LRP4: variants seen among roughly 807,000 people sequenced by gnomAD.
LRP4 encodes LDL receptor related protein 4.
In LRP4, 95 loss-of-function variants were observed where a neutral mutation model predicts 220.3. The ratio of observed to expected loss-of-function variants is 0.43; its 90% CI spans 0.37 to 0.51. The LOEUF is 0.51. Ranked by LOEUF, LRP4 falls within the 20% of genes least tolerant of loss-of-function variation. The pLI, the probability that LRP4 is intolerant of heterozygous loss-of-function variation, is 0.00. For synonymous variants in LRP4, 903 were observed against 954.6 expected (o/e 0.95, Z 1.00); for missense variants, 1,925 against 2,567.0 (o/e 0.75, Z 5.40).
intron 11 of LRP4, 22 bp from the exon 12 acceptor site, chr11:46,894,841 G>T (rs1305691222): frequency 3.7e-6 from 6 of 1,604,382 alleles, no homozygotes; most frequent in African/African-American, 1.3e-5. Flanking sequence ...TATAAACATG[G>T]GATACCCACT....
At chr11:46,887,734 A>G (rs1592534161) in intron 16 of LRP4, among the ~76,000 whole-genome samples, 2 of 152,036 alleles carry the variant, frequency 1.3e-5, no homozygotes, top group African/African-American at 4.8e-5. Context: ...GGGAGCCCAA[A>G]GCAGAAGAAT....
intron 1 of LRP4, among the ~76,000 whole-genome samples, chr11:46,911,116 T>A (rs1941852479): frequency 1.3e-5 from 2 of 152,232 alleles, no homozygotes; most frequent in African/African-American, 4.8e-5. Context: ...ATCTATTTCA[T>A]AGGGTTGCTG....
rs558793215 is a variant in LRP4 at position 46,884,330 on chromosome 11, G to A, written c.2507-354C>T. ...TTAAAATAAAAATATTCAGCCGGGC[G>A]TGGTGGCTCACGCCTGTAATCCCAG... is the stretch of plus-strand genomic sequence containing the variant. On this transcript the variant is annotated intron_variant, in intron 18 of 37. Transcript: ENST00000378623. Among the ~76,000 whole-genome samples the A allele has an allele frequency of 2.0e-4, 31 of 152,302 alleles. No homozygotes were observed. In the South Asian group the frequency reaches 4.1e-3, roughly 20 times the overall value.
Position 46,875,894 on chromosome 11 carries a change from C to T in LRP4, c.3609G>A (p.Ala1203=), listed in dbSNP as rs755263623. ...ATCCTAGGTTGTTGTTGATGAGCAC[C>T]GCGCGGTCTGAGCCATCCATTCCGG... is the stretch of plus-strand genomic sequence containing the variant. ...ERSGMDGSDR[A]VLINNNLGWP... Residue 1203 remains alanine, a synonymous_variant, in exon 26 of 38, where the codon GCG becomes GCA. Coordinates refer to ENST00000378623, the MANE Select transcript of LRP4 (RefSeq NM_002334.4). This position sits in a 1 kb window ranked among gnomAD's most constrained non-coding sequence, Gnocchi z 4.5. 1.8e-5 allele frequency: 29 copies of T among 1,613,950 alleles called. No homozygotes were observed. Among genetic ancestry groups the T allele is most frequent in the Non-Finnish European group, 2.1e-5 (25 of 1,180,020 alleles).
Position 46,873,633 on chromosome 11 carries a change from C to T in LRP4, c.4230-40G>A, listed in dbSNP as rs922304128. ...AGTGTTGGATGAGCAACCAGACTGA[C>T]CCAGAATAGAGTAGAACTTTAACCC... On this transcript the variant is annotated intron_variant, in intron 28 of 37. Transcript: ENST00000378623. The surrounding 1 kb of genome is among the most constrained non-coding windows in gnomAD (Gnocchi z 4.2). 2.6e-6 allele frequency: 4 copies of T among 1,538,342 alleles called. No homozygotes were observed. The highest frequency in any genetic ancestry group is 1.7e-4 in the Middle Eastern group (1 of 5,888).
chr11:46,884,950 T>C (rs1941251731), intron 18 of LRP4, among the ~76,000 whole-genome samples: 1 of 152,038 alleles, frequency 6.6e-6, no homozygotes, highest in Admixed American at 6.6e-5. Flanking sequence ...GTCCATTTCA[T>C]GCTCACTAAC....
At chr11:46,891,411 G>C (rs1003756733) in intron 13 of LRP4, among the ~76,000 whole-genome samples, 2 of 148,100 alleles carry the variant, frequency 1.4e-5, no homozygotes, top group East Asian at 2.0e-4. Context: ...ACCATGCCCG[G>C]CTCCTTTTGT....
In LRP4 at chr11:46,873,896, C is replaced by A; in HGVS notation, c.4230-303G>T. The A allele has an allele frequency of 2.4e-6, 1 of 416,378 alleles. No individual in the cohort carries two copies. The highest frequency in any genetic ancestry group is 4.3e-6 in the Non-Finnish European group (1 of 234,270). 25.8% of individuals were successfully genotyped at this position (416,378 alleles called of 1,614,324 possible). On this transcript the variant is annotated intron_variant, in intron 28 of 37. Coordinates refer to ENST00000378623, the MANE Select transcript of LRP4 (RefSeq NM_002334.4). The surrounding 1 kb of genome is among the most constrained non-coding windows in gnomAD (Gnocchi z 4.2). ...TTCCCCACATACCTTTGGGAAGAGACAAGGATTGCTAGGTGGTGATGATAA... is the reference window on the plus strand; with the variant it reads ...TTCCCCACATACCTTTGGGAAGAGAAAAGGATTGCTAGGTGGTGATGATAA...
At chr11:46,868,263 A>C in intron 33 of LRP4, 149 bp from the exon 34 acceptor site, 1 of 910,076 alleles carries the variant, frequency 1.1e-6, no homozygotes, top group Non-Finnish European at 1.7e-6. Flanking sequence ...AATACTATCA[A>C]TAAAAAGGAG....
chr11:46,862,068 C>CAAAAAAAAAAAAAAAAAA (rs35296081), intron 37 of LRP4, among the ~76,000 whole-genome samples: 1 of 63,702 alleles, frequency 1.6e-5, no homozygotes, highest in African/African-American at 5.6e-5. Context: ...AACTCTGTCT[C>CAAAAAAAAAAAAAAAAAA]AAAAAAAAAA....
chr11:46,875,748 G>C lies in LRP4; in HGVS notation c.3699+56C>G. On this transcript the variant is annotated intron_variant, in intron 26 of 37. Coordinates refer to ENST00000378623, the MANE Select transcript of LRP4 (RefSeq NM_002334.4). The surrounding 1 kb of genome is among the most constrained non-coding windows in gnomAD (Gnocchi z 4.5). ...TGGGAACTCTCCATGGAGATCCTAG[G>C]CAGGCCTTTCCCATCTTCCCAGGCT... 6.2e-7 allele frequency: 1 copy of C among 1,612,966 alleles called. No individual in the cohort carries two copies. Among genetic ancestry groups the C allele is most frequent in the Non-Finnish European group, 8.5e-7 (1 of 1,179,056 alleles).
intron 30 of LRP4, 82 bp from the exon 31 acceptor site, chr11:46,871,715 C>T: frequency 4.4e-6 from 4 of 911,932 alleles, no homozygotes; most frequent in Middle Eastern, 2.2e-4. Flanking sequence ...TGTTTGTCCC[C>T]TCCTGAGCTG....
At chr11:46,905,329 C>CTCT (rs1315532261) in intron 1 of LRP4, among the ~76,000 whole-genome samples, 63 of 152,222 alleles carry the variant, frequency 4.1e-4, no homozygotes, top group African/African-American at 1.5e-3. Context: ...CTGGATTGAA[C>CTCT]AGCAAAGATG....
In LRP4 at chr11:46,889,935, GTT is replaced by G; in HGVS notation, c.2092+7_2092+8del. Reference sequence around the variant, plus strand: ...GCTACTTTGGCTCACCCGGTGGGCAGTTTTTTACCTGCAGGTTGGCGCTGGGG... The same window carrying G: ...GCTACTTTGGCTCACCCGGTGGGCAGTTTTACCTGCAGGTTGGCGCTGGGG... On this transcript the variant is annotated splice_region_variant and intron_variant, in intron 15 of 37. Coordinates refer to ENST00000378623, the MANE Select transcript of LRP4 (RefSeq NM_002334.4). The G allele has an allele frequency of 3.7e-6, 6 of 1,614,186 alleles. No homozygotes were observed. Among genetic ancestry groups the G allele is most frequent in the South Asian group, 1.1e-5 (1 of 91,080 alleles).
At chr11:46,880,118 A>G (rs2134810686) in intron 20 of LRP4, among the ~76,000 whole-genome samples, 2 of 152,302 alleles carry the variant, frequency 1.3e-5, no homozygotes, top group Middle Eastern at 6.8e-3. Flanking sequence ...AACAAAACAA[A>G]CAAACAAAAA....
rs760495628 is a variant in LRP4, at chr11:46,890,226, G to A, written c.1915+51C>T. The A allele has an allele frequency of 6.2e-7, 1 of 1,607,180 alleles. No homozygotes were observed. The highest frequency in any genetic ancestry group is 1.7e-5 in the Admixed American group (1 of 60,000). ...CTCTACCAAGGCTCCTGGGGGGCAG[G>A]GACGGGGGCAGGAGGACAAGAGATG... On this transcript the variant is annotated intron_variant, in intron 14 of 37. Coordinates refer to ENST00000378623, the MANE Select transcript of LRP4 (RefSeq NM_002334.4). The surrounding 1 kb of genome is among the most constrained non-coding windows in gnomAD (Gnocchi z 5.3).
At position 46,859,343 on chromosome 11, in the gene LRP4, C is replaced by A; in HGVS notation, c.5386-28G>T. 1.9e-6 allele frequency: 3 copies of A among 1,544,284 alleles called. No individual in the cohort carries two copies. The South Asian group carries it at 3.3e-5, about 17-fold the overall frequency. On this transcript the variant is annotated intron_variant, in intron 37 of 37. Coordinates refer to ENST00000378623, the MANE Select transcript of LRP4 (RefSeq NM_002334.4). The stretch of plus-strand genomic sequence containing the variant: ...AGGGTGGAGAGTGGGCAGATATGGT[C>A]AGTCAGTTGGCCTTCTACAAAGGAT...
intron 37 of LRP4, 121 bp downstream of exon 37, chr11:46,862,485 A>G: frequency 3.9e-6 from 4 of 1,031,578 alleles, no homozygotes; most frequent in Non-Finnish European, 6.1e-6. Context: ...TGTTCACTAT[A>G]ACTTCCAAAA....
intron 36 of LRP4, among the ~76,000 whole-genome samples, chr11:46,863,584 C>CAAAAAAA (rs55744712): frequency 1.8e-4 from 10 of 54,134 alleles, no homozygotes; most frequent in African/African-American, 3.0e-4. Flanking sequence ...ACTAAAAATA[C>CAAAAAAA]AAAAAAAAAA....
Sources: allele counts gnomAD v4.1 joint callset (sites outside exome capture counted in the v4.1 genomes callset), GRCh38; gene constraint gnomAD v4.1.1; non-coding constraint Gnocchi (gnomAD v3.1); transcripts MANE v1.5; gene names NCBI Gene and HGNC (gene_info 2026-07-23, HGNC 2026-07-21).